The following CCDC7 variants were observed in gnomAD, a reference collection of about 807,000 sequenced individuals.
CCDC7 encodes the protein coiled-coil domain containing 7, also known as coiled-coil domain-containing protein 7.
In CCDC7, 183 loss-of-function variants were observed where a neutral mutation model predicts 196.9. The ratio of observed to expected loss-of-function variants is 0.93; its 90% confidence interval spans 0.82 to 1.05. The LOEUF is 1.05. CCDC7 is among the 50% of genes least tolerant of loss of function. The pLI is 0.00. For missense variants in CCDC7, 1,540 were observed against 1,482.2 expected (o/e 1.04, Z -0.64); for synonymous variants, 525 against 484.6 (o/e 1.08, Z -1.10).
At chr10:32,877,471 T>C (rs755140164), downstream of CCDC7, among the ~76,000 whole-genome samples, 2 of 152,092 alleles carry the variant, frequency 1.3e-5, no homozygotes, top group African/African-American at 4.8e-5. Flanking sequence ...TTTCTTTCTA[T>C]AATTATTTTT....
At chr10:32,554,179 A>G (rs2136390691) in intron 13 of CCDC7, among the ~76,000 whole-genome samples, 1 of 152,312 alleles carries the variant, frequency 6.6e-6, no homozygotes, top group South Asian at 2.1e-4. Context: ...CCCCTGCAAT[A>G]GCCCCAAGTC....
intron 18 of CCDC7, among the ~76,000 whole-genome samples, chr10:32,620,032 C>T (rs2063230488): frequency 1.4e-5 from 2 of 146,486 alleles, no homozygotes; most frequent in African/African-American, 5.2e-5. Context: ...AAGCAATTTT[C>T]CTGCCTCAGC....
intron 21 of CCDC7, among the ~76,000 whole-genome samples, chr10:32,667,913 C>A (rs9418015): frequency 6.6e-6 from 1 of 151,930 alleles, no homozygotes; most frequent in Non-Finnish European, 1.5e-5. Flanking sequence ...AAGAAAGTCA[C>A]TGGTAGCTTG....
At chr10:32,680,236 G>T (rs1218337934) in intron 21 of CCDC7, among the ~76,000 whole-genome samples, 2 of 152,116 alleles carry the variant, frequency 1.3e-5, no homozygotes, top group Non-Finnish European at 2.9e-5. Flanking sequence ...CAGTCTTCCT[G>T]TGCCCTGCTG....
chr10:32,819,665 T>A (rs972890043), intron 31 of CCDC7, among the ~76,000 whole-genome samples: 61 of 152,152 alleles, frequency 4.0e-4, no homozygotes, highest in Non-Finnish European at 5.3e-4. Context: ...GTTCAAAATA[T>A]GCAAATCAAT....
At chr10:32,716,160 CAG>C (rs2081540572) in intron 25 of CCDC7, among the ~76,000 whole-genome samples, 2 of 152,208 alleles carry the variant, frequency 1.3e-5, no homozygotes, top group Non-Finnish European at 2.9e-5. Context: ...AGAGAAAGGT[CAG>C]GTTACCCACA....
intron 32 of CCDC7, among the ~76,000 whole-genome samples, chr10:32,828,093 G>A (rs2091419890): frequency 6.6e-6 from 1 of 152,106 alleles, no homozygotes; most frequent in Non-Finnish European, 1.5e-5. Context: ...CTGACTTCAA[G>A]TCTTTAGACA....
chr10:32,499,081 G>GTTTGT (rs2043407898), intron 9 of CCDC7: 1 of 82,966 alleles, frequency 1.2e-5, no homozygotes, highest in Admixed American at 1.2e-4. Flanking sequence ...GGTTTTGTTT[G>GTTTGT]TTTCTTTTTT....
intron 26 of CCDC7, among the ~76,000 whole-genome samples, chr10:32,727,525 A>G (rs12359768): frequency 0.034 from 5,228 of 152,150 alleles, 127 homozygotes; most frequent in Non-Finnish European, 0.047. Context: ...CATTAATCAT[A>G]GGGTCTTCAA....
intron 30 of CCDC7, 22 bp downstream of exon 31, chr10:32,805,120 T>G (rs747564986): frequency 1.6e-5 from 24 of 1,502,218 alleles, no homozygotes; most frequent in Non-Finnish European, 2.0e-5. Context: ...TTTTTAAGTC[T>G]AATATTTCTC....
intron 41 of CCDC7, among the ~76,000 whole-genome samples, chr10:32,867,628 A>G (rs1350392580): frequency 6.6e-6 from 1 of 151,714 alleles, no homozygotes; most frequent in Admixed American, 6.6e-5. Flanking sequence ...GGCAAAGAAT[A>G]TAAGTAGGCA....
At chr10:32,828,556 AAGAAAG>A (rs1480408176) in intron 32 of CCDC7, among the ~76,000 whole-genome samples, 92 of 147,880 alleles carry the variant, frequency 6.2e-4, no homozygotes, top group Non-Finnish European at 1.1e-3. Flanking sequence ...GAAGAAGAAG[AAGAAAG>A]AAGAAGAAGA....
intron 33 of CCDC7, among the ~76,000 whole-genome samples, chr10:32,836,972 T>C (rs2092655539): frequency 6.6e-6 from 1 of 152,140 alleles, no homozygotes; most frequent in Non-Finnish European, 1.5e-5. Flanking sequence ...ATAAAAACCC[T>C]AGAAGAAAAC....
intron 11 of CCDC7, among the ~76,000 whole-genome samples, chr10:32,532,096 T>G (rs1424166646): frequency 6.6e-6 from 1 of 152,134 alleles, no homozygotes; most frequent in African/African-American, 2.4e-5. Flanking sequence ...TTGATTTCTT[T>G]TTCCTTTTGT....
chr10:32,832,105 C>T (rs2092242036), intron 32 of CCDC7, among the ~76,000 whole-genome samples: 1 of 152,094 alleles, frequency 6.6e-6, no homozygotes, highest in Non-Finnish European at 1.5e-5. Context: ...TACGGAATCA[C>T]CATCTTATAT....
intron 25 of CCDC7, among the ~76,000 whole-genome samples, chr10:32,722,097 T>C (rs1391308142): frequency 2.0e-5 from 3 of 152,082 alleles, no homozygotes; most frequent in Admixed American, 6.6e-5. Flanking sequence ...AGAAATGAAA[T>C]AGTTATATCT....
At chr10:32,834,695 C>A in intron 32 of CCDC7, 120 bp from the exon 34 acceptor site, 1 of 461,206 alleles carries the variant, frequency 2.2e-6, no homozygotes, top group Non-Finnish European at 4.0e-6. Flanking sequence ...TCTTTAATGA[C>A]TGATGCTAAT....
intron 9 of CCDC7, among the ~76,000 whole-genome samples, chr10:32,509,489 G>A (rs2045758356): frequency 6.8e-6 from 1 of 147,728 alleles, no homozygotes; most frequent in Non-Finnish European, 1.5e-5. Context: ...ACATTGGTCT[G>A]GGCAATGATT....
intron 21 of CCDC7, among the ~76,000 whole-genome samples, chr10:32,673,637 G>T (rs1352323287): frequency 1.6e-5 from 2 of 127,340 alleles, no homozygotes; most frequent in South Asian, 5.1e-4. Flanking sequence ...GAATTTATTA[G>T]TTCTAACCAT....
Sources: allele counts gnomAD v4.1 joint callset (sites outside exome capture counted in the v4.1 genomes callset), GRCh38; gene constraint gnomAD v4.1.1; transcripts MANE v1.5; gene names NCBI Gene and HGNC (gene_info 2026-07-23, HGNC 2026-07-21).